Variants in FAM168B observed in about 807,000 individuals in gnomAD.
The protein encoded by FAM168B is family with sequence similarity 168 member B.
Under a neutral mutation model 21.8 loss-of-function variants are expected in FAM168B, and 19 were observed. The ratio of observed to expected loss-of-function variants is 0.87; its 90% CI spans 0.61 to 1.28. FAM168B has a LOEUF of 1.28. Ranked by LOEUF, FAM168B falls within the 50% of genes most tolerant of loss-of-function variation. The pLI is 0.00. For missense variants in FAM168B, 233 were observed against 263.1 expected, an observed-to-expected ratio of 0.89 and a Z score of 0.79; for synonymous variants, 126 against 104.8, an observed-to-expected ratio of 1.20 and a Z score of -1.24.
chr2:131,078,745 T>C (rs960791856), intron 2 of FAM168B, among the ~76,000 whole-genome samples: 13 of 152,056 alleles, frequency 8.5e-5, no homozygotes, highest in African/African-American at 2.7e-4. Flanking sequence ...TCCCAGTACT[T>C]TGGGAGGCTG....
intron 1 of FAM168B, among the ~76,000 whole-genome samples, chr2:131,084,100 A>G (rs1693561973): frequency 6.6e-6 from 1 of 151,792 alleles, no homozygotes. Context: ...ACGGGGTTTC[A>G]CCATGTTGGC....
Position 131,049,525 on chromosome 2 carries a change from T to A in FAM168B, c.*2940A>T, listed in dbSNP as rs1691517998. 1 of 985,300 alleles carries A rather than the reference T, an allele frequency of 1.0e-6. No individual in the cohort carries two copies. Among genetic ancestry groups the A allele is most frequent in the Non-Finnish European group, 1.2e-6 (1 of 829,944 alleles). 61.0% of individuals were successfully genotyped at this position (985,300 alleles called of 1,614,324 possible). ...CCTCACAGAGCGGCAAGTTCATGGG[T>A]CACTGGCTCACACTAAATGCTCAGC... On this transcript the variant is annotated 3_prime_UTR_variant, in exon 7 of 7. Coordinates refer to ENST00000389915, the MANE Select transcript of FAM168B (RefSeq NM_001009993.4).
At position 131,049,971 on chromosome 2, in the gene FAM168B, C is replaced by A. The variant is rs182447630; in HGVS notation, c.*2494G>T. 8.4e-5 allele frequency: 83 copies of A among 985,502 alleles called. No homozygotes were observed. Among genetic ancestry groups the A allele is most frequent in the Non-Finnish European group, 9.2e-5 (76 of 829,942 alleles). 61.0% of individuals were successfully genotyped at this position (985,502 alleles called of 1,614,324 possible). A position where few individuals can be genotyped will look rare whatever the true frequency, so the allele number is the denominator to read the frequency against. On this transcript the variant is annotated 3_prime_UTR_variant, in exon 7 of 7. Transcript: ENST00000389915. The stretch of plus-strand genomic sequence containing the variant: ...CTTACCTGATATCTACCTTTCGTAT[C>A]TGACAGCTGACGTCCTAAAAATTTC...
intron 1 of FAM168B, among the ~76,000 whole-genome samples, chr2:131,087,428 T>G (rs1030127301): frequency 2.6e-5 from 4 of 151,292 alleles, no homozygotes; most frequent in African/African-American, 9.7e-5. Context: ...GCTGAGATCG[T>G]GCCACTGCAC....
intron 3 of FAM168B, among the ~76,000 whole-genome samples, chr2:131,060,225 C>T (rs1173875111): frequency 1.3e-5 from 2 of 152,128 alleles, no homozygotes; most frequent in Middle Eastern, 3.2e-3. Flanking sequence ...GGGGTTTCAC[C>T]ATATTGGCCA....
In FAM168B at chr2:131,049,627, G is replaced by A. The variant is rs1345194763; in HGVS notation, c.*2838C>T. 1.0e-6 allele frequency: 1 copy of A among 985,482 alleles called. No homozygotes were observed. Among genetic ancestry groups the A allele is most frequent in the South Asian group, 4.7e-5 (1 of 21,290 alleles). The allele number at this position is 985,482 out of a possible 1,614,324, so 61.0% of individuals were successfully genotyped here. The stretch of plus-strand genomic sequence containing the variant: ...TGAACACACTCCCCAAGCCTCAGGG[G>A]AGAAGGTGTAGAACAAATATTTTTT... On this transcript the variant is annotated 3_prime_UTR_variant, in exon 7 of 7. Transcript: ENST00000389915.
Position 131,049,165 on chromosome 2 carries a change from C to A in FAM168B, c.*3300G>T. The A allele has an allele frequency of 1.0e-6, 1 of 985,384 alleles. No individual in the cohort carries two copies. The highest frequency in any genetic ancestry group is 1.2e-6 in the Non-Finnish European group (1 of 829,936). 61.0% of individuals were successfully genotyped at this position (985,384 alleles called of 1,614,324 possible). The stretch of plus-strand genomic sequence containing the variant: ...GCAAGTTGCTGTAATAATGTATTTC[C>A]TCTCGTTACTGTTGTGTCCCCCAAG... On this transcript the variant is annotated 3_prime_UTR_variant, in exon 7 of 7. Transcript: ENST00000389915.
intron 2 of FAM168B, among the ~76,000 whole-genome samples, chr2:131,080,041 CG>C (rs1693355861): frequency 6.6e-6 from 1 of 151,036 alleles, no homozygotes; most frequent in South Asian, 2.1e-4. Flanking sequence ...CACCTGAACG[CG>C]GGAGGCAGAG....
At chr2:131,068,706 G>C (rs1692697674) in intron 3 of FAM168B, among the ~76,000 whole-genome samples, 1 of 152,146 alleles carries the variant, frequency 6.6e-6, no homozygotes, top group African/African-American at 2.4e-5. Context: ...CTATGAGAAA[G>C]GAGAGATGTT....
intron 3 of FAM168B, among the ~76,000 whole-genome samples, chr2:131,062,179 C>G (rs1298337723): frequency 7.9e-5 from 12 of 152,140 alleles, no homozygotes; most frequent in Admixed American, 7.9e-4. Flanking sequence ...GCTGCCAACC[C>G]AAACAAACCT....
intron 1 of FAM168B, among the ~76,000 whole-genome samples, chr2:131,083,460 A>C (rs1281317621): frequency 6.6e-6 from 1 of 152,228 alleles, no homozygotes; most frequent in East Asian, 1.9e-4. Flanking sequence ...GAATCACTTG[A>C]ATCCAGGAGG....
chr2:131,057,542 G>A (rs1305347838), intron 3 of FAM168B, among the ~76,000 whole-genome samples: 1 of 152,144 alleles, frequency 6.6e-6, no homozygotes, highest in East Asian at 1.9e-4. Flanking sequence ...TGGAGTGGTG[G>A]TTCCATGGGC....
intron 2 of FAM168B, among the ~76,000 whole-genome samples, chr2:131,082,277 C>T (rs2105569196): frequency 6.6e-6 from 1 of 152,238 alleles, no homozygotes. Context: ...CTGGGAGGGG[C>T]CTGAACTTCA....
At chr2:131,083,872 CTGTA>C (rs1330980817) in intron 1 of FAM168B, among the ~76,000 whole-genome samples, 4 of 144,058 alleles carry the variant, frequency 2.8e-5, no homozygotes, top group Non-Finnish European at 1.5e-5. Context: ...TTGCAATTTC[CTGTA>C]TTTATTTATT....
chr2:131,067,811 CTTTTA>C (rs780590742), intron 3 of FAM168B, among the ~76,000 whole-genome samples: 48 of 152,184 alleles, frequency 3.2e-4, no homozygotes, highest in Non-Finnish European at 5.9e-4. Flanking sequence ...AAAAACTTCT[CTTTTA>C]AATTTTTTAT....
chr2:131,069,424 A>G (rs1177386085), intron 3 of FAM168B, among the ~76,000 whole-genome samples: 4 of 152,222 alleles, frequency 2.6e-5, no homozygotes, highest in African/African-American at 9.6e-5. Context: ...TGTAAAACCT[A>G]CAAGTGTAAA....
chr2:131,065,895 T>TA (rs1302433026), intron 3 of FAM168B, among the ~76,000 whole-genome samples: 1 of 151,778 alleles, frequency 6.6e-6, no homozygotes, highest in African/African-American at 2.4e-5. Context: ...CAAAACCAGA[T>TA]AAACACTGTG....
intron 1 of FAM168B, 61 bp downstream of exon 1, chr2:131,093,153 C>G (rs1209170784): frequency 6.6e-6 from 1 of 150,554 alleles, no homozygotes; most frequent in African/African-American, 2.4e-5. Flanking sequence ...CCGAGCCGGC[C>G]GCACAAAGCG....
chr2:131,048,161 A>G lies in FAM168B; in HGVS notation c.*4304T>C, dbSNP rs1360793196. 1.6e-6 allele frequency: 2 copies of G among 1,248,498 alleles called. No homozygotes were observed. Among genetic ancestry groups the G allele is most frequent in the Non-Finnish European group, 2.1e-6 (2 of 957,392 alleles). 77.3% of individuals were successfully genotyped at this position (1,248,498 alleles called of 1,614,324 possible). A position where few individuals can be genotyped will look rare whatever the true frequency, so the allele number is the denominator to read the frequency against. On this transcript the variant is annotated 3_prime_UTR_variant, in exon 7 of 7. Coordinates refer to ENST00000389915, the MANE Select transcript of FAM168B (RefSeq NM_001009993.4). Reference sequence around the variant, plus strand: ...CCGAGAGAACGGTGTAAAAAACGGTATTTAAAAATCATTTTTAAAAAAACA... The same window carrying G: ...CCGAGAGAACGGTGTAAAAAACGGTGTTTAAAAATCATTTTTAAAAAAACA...
Sources: gnomAD v4.1 joint callset for allele counts (sites outside exome capture counted in the v4.1 genomes callset) on GRCh38, gnomAD v4.1.1 for gene constraint, MANE v1.5 for transcripts, NCBI Gene and HGNC (gene_info 2026-07-23, HGNC 2026-07-21) for gene names.